Variants in EPHB3 observed in about 807,000 individuals in gnomAD.
The protein encoded by EPHB3 is EPH receptor B3.
Under a neutral mutation model 100.2 loss-of-function variants are expected in EPHB3, and 33 were observed. The ratio of observed to expected loss-of-function variants is 0.33; its 90% CI spans 0.25 to 0.44. The LOEUF is 0.44. Among genes scored for constraint, EPHB3 ranks in the 20% least tolerant of loss-of-function variants. The pLI, the probability that EPHB3 is intolerant of heterozygous loss-of-function variation, is 1.00. For synonymous variants in EPHB3, 526 were observed against 554.7 expected (o/e 0.95, Z 0.73); for missense variants, 1,045 against 1,378.3 (o/e 0.76, Z 3.83).
At chr3:184,570,993 T>A (rs749349538) in intron 1 of EPHB3, among the ~76,000 whole-genome samples, 40 of 151,362 alleles carry the variant, frequency 2.6e-4, no homozygotes, top group Non-Finnish European at 3.8e-4. Flanking sequence ...TCTCTCTCTG[T>A]TGCCCAGGGT....
At position 184,578,261 on chromosome 3, in the gene EPHB3, A is replaced by C. The variant is rs1714732498; in HGVS notation, c.1749-153A>C. ...TGAGTCCACTGAACCCCTTGCTCAGACACCCAGAGACTGCTGTGACCACCA... is the reference window on the plus strand; with the variant it reads ...TGAGTCCACTGAACCCCTTGCTCAGCCACCCAGAGACTGCTGTGACCACCA... On this transcript the variant is annotated intron_variant, in intron 8 of 15. Transcript: ENST00000330394. This position sits in a 1 kb window ranked among gnomAD's most constrained non-coding sequence, Gnocchi z 4.7. The C allele has an allele frequency of 8.7e-7, 1 of 1,151,156 alleles. No individual in the cohort carries two copies. 71.3% of individuals were successfully genotyped at this position (1,151,156 alleles called of 1,614,324 possible).
chr3:184,579,713 C>T lies in EPHB3; in HGVS notation c.1951C>T (p.Arg651Ter). The stretch of plus-strand genomic sequence containing the variant: ...GGAATTTGGGGAAGTGTGCCGTGGT[C>T]GACTGAAACAGCCTGGCCGCCGAGA... Reference protein sequence around the residue: ...AGEFGEVCRGRLKQPGRREVF... With the variant: ...AGEFGEVCRG Residue 651 changes from arginine (R) to a stop codon, truncating the protein, a stop_gained, in exon 11 of 16, where the codon CGA (arginine) becomes TGA (stop). Transcript: ENST00000330394. LOFTEE classifies it high-confidence loss of function. The surrounding 1 kb of genome is among the most constrained non-coding windows in gnomAD (Gnocchi z 5.2). The T allele has an allele frequency of 1.9e-6, 3 of 1,611,886 alleles. No homozygotes were observed. The highest frequency in any genetic ancestry group is 2.5e-6 in the Non-Finnish European group (3 of 1,178,684).
chr3:184,577,589 T>C lies in EPHB3; in HGVS notation c.1480-69T>C. 1 of 1,571,522 alleles carries C rather than the reference T, an allele frequency of 6.4e-7. No individual in the cohort carries two copies. Among genetic ancestry groups the C allele is most frequent in the South Asian group, 1.2e-5 (1 of 83,898 alleles). The stretch of plus-strand genomic sequence containing the variant: ...GTATGGAGGGGGCATGTGGCAGGCC[T>C]GGGTGTGAATAGGGGCTGGTTGGCC... On this transcript the variant is annotated intron_variant, in intron 6 of 15. Coordinates refer to ENST00000330394, the MANE Select transcript of EPHB3 (RefSeq NM_004443.4). The surrounding 1 kb of genome is among the most constrained non-coding windows in gnomAD (Gnocchi z 4.9).
Position 184,579,881 on chromosome 3 carries a change from G to A in EPHB3, c.2119G>A (p.Val707Ile). The A allele has an allele frequency of 1.2e-6, 2 of 1,613,902 alleles. No homozygotes were observed. Among genetic ancestry groups the A allele is most frequent in the Non-Finnish European group, 8.5e-7 (1 of 1,179,984 alleles). ...LEGVVTKSRP[V>I]MILTEFMENC... is the part of the protein sequence containing the mutation. The stretch of plus-strand genomic sequence containing the variant: ...GGGCGTGGTCACCAAAAGTCGGCCA[G>A]TTATGATCCTCACTGAGTTCATGGA... The change falls in exon 11 of 16, where the codon GTT becomes ATT. Residue 707 changes from valine (V) to isoleucine (I), a missense_variant. By Grantham distance (29) the Val-to-Ile change is conservative. This residue lies in a region of EPHB3 where 985 missense variants were observed against 1,331.1 expected (regional missense o/e 0.74). Transcript: ENST00000330394. This position sits in a 1 kb window ranked among gnomAD's most constrained non-coding sequence, Gnocchi z 5.2.
At chr3:184,575,314 G>A in intron 3 of EPHB3, 1 of 854,216 alleles carries the variant, frequency 1.2e-6, no homozygotes, top group Non-Finnish European at 1.4e-6. Flanking sequence ...CTGCCCAAGG[G>A]CAGACAGGAG....
Position 184,577,274 on chromosome 3 carries a change from T to C in EPHB3, c.1355-69T>C. The stretch of plus-strand genomic sequence containing the variant: ...TGCTAAGGGACCACTGGGGGTCCCA[T>C]GGGAAGTGGGTCTTTGGGAAGGATG... On this transcript the variant is annotated intron_variant, in intron 5 of 15. Coordinates refer to ENST00000330394, the MANE Select transcript of EPHB3 (RefSeq NM_004443.4). The surrounding 1 kb of genome is among the most constrained non-coding windows in gnomAD (Gnocchi z 4.9). 2 of 1,590,280 alleles carry C rather than the reference T, an allele frequency of 1.3e-6. No individual in the cohort carries two copies. Among genetic ancestry groups the C allele is most frequent in the South Asian group, 1.1e-5 (1 of 87,812 alleles).
chr3:184,562,979 G>A lies in EPHB3; in HGVS notation c.118+626G>A, dbSNP rs893886789. Reference sequence around the variant, plus strand: ...TCTCCGCCTGCTAGAGCAGGGCTTGGGTCTCCATTTGAACCCCTGAAGTTG... The same window carrying A: ...TCTCCGCCTGCTAGAGCAGGGCTTGAGTCTCCATTTGAACCCCTGAAGTTG... On this transcript the variant is annotated intron_variant, in intron 1 of 15. Coordinates refer to ENST00000330394, the MANE Select transcript of EPHB3 (RefSeq NM_004443.4). The surrounding 1 kb of genome is among the most constrained non-coding windows in gnomAD (Gnocchi z 4.8). Among the ~76,000 whole-genome samples the A allele has an allele frequency of 3.5e-4, 54 of 152,330 alleles. No homozygotes were observed. The highest frequency in any genetic ancestry group is 1.3e-3 in the African/African-American group (53 of 41,566).
At chr3:184,566,491 C>T (rs9647371) in intron 1 of EPHB3, among the ~76,000 whole-genome samples, 23,414 of 152,210 alleles carry the variant, frequency 0.15, 1,945 homozygotes, top group Middle Eastern at 0.23. Flanking sequence ...CCACAACATG[C>T]ATCTTCTCCA....
At position 184,561,789 on chromosome 3, in the gene EPHB3, G is replaced by C. The variant is rs1484439719; in HGVS notation, c.-447G>C. 5 of 152,410 alleles carry C rather than the reference G, an allele frequency of 3.3e-5. No homozygotes were observed. The highest frequency in any genetic ancestry group is 1.2e-4 in the African/African-American group (5 of 41,580). The allele number at this position is 152,410 out of a possible 1,614,324, so 9.4% of individuals were successfully genotyped here. On this transcript the variant is annotated 5_prime_UTR_variant, in exon 1 of 16. Transcript: ENST00000330394. ...GGCCGCGCCAGCGCTGGGGACAGCA[G>C]AAGTGAGTACGTGAGCGGCGCAGCA...
intron 1 of EPHB3, among the ~76,000 whole-genome samples, chr3:184,564,140 T>C (rs1458723273): frequency 6.6e-6 from 1 of 152,212 alleles, no homozygotes; most frequent in African/African-American, 2.4e-5. Context: ...CCTGATGTGC[T>C]GGGGCGGCCC....
Position 184,578,147 on chromosome 3 carries a change from A to G in EPHB3, c.1748+141A>G, listed in dbSNP as rs566218002. On this transcript the variant is annotated intron_variant, in intron 8 of 15. Transcript: ENST00000330394. This position sits in a 1 kb window ranked among gnomAD's most constrained non-coding sequence, Gnocchi z 4.7. ...CCCTCCTGGGGCCAGCCGTTGCTGGAGAAGCCCTCTCCCATCCCTGCCTGT... is the reference window on the plus strand; with the variant it reads ...CCCTCCTGGGGCCAGCCGTTGCTGGGGAAGCCCTCTCCCATCCCTGCCTGT... 6 of 965,610 alleles carry G rather than the reference A, an allele frequency of 6.2e-6. No homozygotes were observed. The East Asian group carries it at 1.1e-4, about 17-fold the overall frequency. 59.8% of individuals were successfully genotyped at this position (965,610 alleles called of 1,614,324 possible). A position where few individuals can be genotyped will look rare whatever the true frequency, so the allele number is the denominator to read the frequency against.
rs1714552578 is a variant in EPHB3, at chr3:184,572,096, T to C, written c.184-408T>C. Among the ~76,000 whole-genome samples the C allele has an allele frequency of 6.6e-6, 1 of 152,228 alleles. No individual in the cohort carries two copies. Among genetic ancestry groups the C allele is most frequent in the Non-Finnish European group, 1.5e-5 (1 of 68,048 alleles). On this transcript the variant is annotated intron_variant, in intron 2 of 15. Coordinates refer to ENST00000330394, the MANE Select transcript of EPHB3 (RefSeq NM_004443.4). This position sits in a 1 kb window ranked among gnomAD's most constrained non-coding sequence, Gnocchi z 6.6. ...TGCACTGCTACAAGCCCATTACATT[T>C]ATTAGCCTGATTTAATTCCTCACAG...
At position 184,577,125 on chromosome 3, in the gene EPHB3, G is replaced by A. The variant is rs777693513; in HGVS notation, c.1296G>A (p.Ser432=). ...TFEVQAVNGV[S]GKSPLPPRYA... ...AGGTGCAGGCGGTCAACGGTGTCTC[G>A]GGCAAGAGCCCTCTGCCGCCTCGTT... The change falls in exon 5 of 16, where the codon TCG becomes TCA. Residue 432 remains serine (S), a synonymous_variant. Transcript: ENST00000330394. This position sits in a 1 kb window ranked among gnomAD's most constrained non-coding sequence, Gnocchi z 4.9. 26 of 1,611,664 alleles carry A rather than the reference G, an allele frequency of 1.6e-5. No individual in the cohort carries two copies. Among genetic ancestry groups the A allele is most frequent in the South Asian group, 1.2e-4 (11 of 90,984 alleles).
At chr3:184,570,771 T>C (rs538231254) in intron 1 of EPHB3, among the ~76,000 whole-genome samples, 3 of 152,268 alleles carry the variant, frequency 2.0e-5, no homozygotes, top group East Asian at 3.9e-4. Context: ...TGCTCCTGCC[T>C]CATTAACCCA....
In EPHB3 at chr3:184,579,460, A is replaced by C; in HGVS notation, c.1802-17A>C. The C allele has an allele frequency of 6.2e-7, 1 of 1,610,800 alleles. No homozygotes were observed. Among genetic ancestry groups the C allele is most frequent in the Non-Finnish European group, 8.5e-7 (1 of 1,177,424 alleles). ...GGCTTGACGTTACCCTCTCACGCCC[A>C]CCTCTTCTCCCTCCAGTTGCTCCTG... is the stretch of plus-strand genomic sequence containing the variant. On this transcript the variant is annotated splice_polypyrimidine_tract_variant and intron_variant, in intron 9 of 15. Coordinates refer to ENST00000330394, the MANE Select transcript of EPHB3 (RefSeq NM_004443.4). This position sits in a 1 kb window ranked among gnomAD's most constrained non-coding sequence, Gnocchi z 5.2.
Position 184,579,344 on chromosome 3 carries a change from G to A in EPHB3, c.1802-133G>A. On this transcript the variant is annotated intron_variant, in intron 9 of 15. Coordinates refer to ENST00000330394, the MANE Select transcript of EPHB3 (RefSeq NM_004443.4). This position sits in a 1 kb window ranked among gnomAD's most constrained non-coding sequence, Gnocchi z 5.2. ...TTATGGTCACCAGGAGTTCTCATGG[G>A]AGCTGGAGGATTAGGGCAGCAACAC... 1 of 1,368,352 alleles carries A rather than the reference G, an allele frequency of 7.3e-7. No individual in the cohort carries two copies. Among genetic ancestry groups the A allele is most frequent in the African/African-American group, 1.4e-5 (1 of 69,300 alleles). The allele number at this position is 1,368,352 out of a possible 1,614,324, so 84.8% of individuals were successfully genotyped here.
rs1302399234 is a variant in EPHB3 at position 184,565,471 on chromosome 3, T to A, written c.118+3118T>A. 6.6e-6 allele frequency among the ~76,000 whole-genome samples: 1 copy of A among 152,160 alleles called. No individual in the cohort carries two copies. The highest frequency in any genetic ancestry group is 1.5e-5 in the Non-Finnish European group (1 of 68,026). ...AGAGATCCCCGCTGGGAAGATATCC[T>A]TTTGAGAAAAGAGAAACAGTTACCA... is the stretch of plus-strand genomic sequence containing the variant. On this transcript the variant is annotated intron_variant, in intron 1 of 15. Coordinates refer to ENST00000330394, the MANE Select transcript of EPHB3 (RefSeq NM_004443.4). The surrounding 1 kb of genome is among the most constrained non-coding windows in gnomAD (Gnocchi z 4.8).
At chr3:184,570,956 CTTT>C (rs35707076) in intron 1 of EPHB3, among the ~76,000 whole-genome samples, 2 of 137,436 alleles carry the variant, frequency 1.5e-5, no homozygotes, top group Non-Finnish European at 1.6e-5. Flanking sequence ...TTCTTTCTTT[CTTT>C]TTTTTTTTTT....
rs991934603 is a variant in EPHB3 at position 184,569,279 on chromosome 3, G to T, written c.119-2039G>T. Among the ~76,000 whole-genome samples the T allele has an allele frequency of 6.6e-6, 1 of 151,938 alleles. No individual in the cohort carries two copies. The highest frequency in any genetic ancestry group is 1.5e-5 in the Non-Finnish European group (1 of 67,970). Reference sequence around the variant, plus strand: ...TCCCGGGACTGACACTCGCGCTGCCGGCTGGGGACGAGGCCGCCTGGCAAC... The same window carrying T: ...TCCCGGGACTGACACTCGCGCTGCCTGCTGGGGACGAGGCCGCCTGGCAAC... On this transcript the variant is annotated intron_variant, in intron 1 of 15. Coordinates refer to ENST00000330394, the MANE Select transcript of EPHB3 (RefSeq NM_004443.4). The surrounding 1 kb of genome is among the most constrained non-coding windows in gnomAD (Gnocchi z 5.4).
Sources: allele counts gnomAD v4.1 joint callset (sites outside exome capture counted in the v4.1 genomes callset), GRCh38; gene constraint gnomAD v4.1.1; regional missense constraint gnomAD v4.1.1; non-coding constraint Gnocchi (gnomAD v3.1); transcripts MANE v1.5; gene names NCBI Gene and HGNC (gene_info 2026-07-23, HGNC 2026-07-21).